Variants in DEGS2 observed in about 807,000 individuals in gnomAD.
DEGS2 encodes sphingolipid delta(4)-desaturase/C4-monooxygenase DES2.
A neutral mutation model predicts 23.8 loss-of-function variants in DEGS2; 19 were observed. That is an observed-to-expected ratio of 0.80 (90% CI 0.56 to 1.17). The LOEUF is 1.17. Among genes scored for constraint, DEGS2 ranks in the 50% most tolerant of loss-of-function variants. The pLI, the probability that DEGS2 is intolerant of heterozygous loss-of-function variation, is 0.00. For missense variants in DEGS2, 390 were observed against 459.5 expected (o/e 0.85, Z 1.38); for synonymous variants, 218 against 213.7 (o/e 1.02, Z -0.18).
At chr14:100,166,294 CCTGCCCGGGGCTGT>C in the DEGS2 span, among the ~76,000 whole-genome samples, 7 of 73,718 alleles carry the variant, frequency 9.5e-5, no homozygotes, top group Non-Finnish European at 1.3e-4. Context: ...GTGGGGGGAG[CCTGCCCGGGGCTGT>C]GGGGGAGCCT....
In DEGS2 at chr14:100,159,630, C is replaced by T. The variant is rs371549225; in HGVS notation, c.-43G>A. 2.1e-3 allele frequency: 2,799 copies of T among 1,308,454 alleles called. 45 individuals are homozygous for T. In the African/African-American group the frequency reaches 0.038, roughly 18 times the overall value. 81.1% of individuals were successfully genotyped at this position (1,308,454 alleles called of 1,614,324 possible). A position where few individuals can be genotyped will look rare whatever the true frequency, so the allele number is the denominator to read the frequency against. ...CGTTCGGAGCGCGGCCGGCTCGGCT[C>T]TGCTGCACCTGTCGCGGCGGCCGCG... is the stretch of plus-strand genomic sequence containing the variant. On this transcript the variant is annotated 5_prime_UTR_variant, in exon 1 of 3. Coordinates refer to ENST00000305631, the MANE Select transcript of DEGS2 (RefSeq NM_206918.3).
upstream of DEGS2, among the ~76,000 whole-genome samples, chr14:100,164,136 T>G (rs1889780774): frequency 6.6e-6 from 1 of 151,840 alleles, no homozygotes; most frequent in Non-Finnish European, 1.5e-5. Flanking sequence ...AGCCTCCATG[T>G]TCCCCAGGCT....
In DEGS2 at chr14:100,146,803, G is replaced by T; in HGVS notation, c.930C>A (p.Ala310=). The T allele has an allele frequency of 6.2e-7, 1 of 1,613,796 alleles. No individual in the cohort carries two copies. The highest frequency in any genetic ancestry group is 8.5e-7 in the Non-Finnish European group (1 of 1,179,920). The change falls in exon 3 of 3, where the codon GCC becomes GCA. Residue 310 remains alanine, a synonymous_variant. Transcript: ENST00000305631. ...FVFEDSLGPY[A]RVKRVYRLAK... ...CCAGCCTGTACACCCGCTTCACCCT[G>T]GCATAGGGCCCCAGGGAGTCCTCAA...
chr14:100,149,557 C>T lies in DEGS2; in HGVS notation c.236G>A (p.Cys79Tyr), dbSNP rs772425517. 6.2e-7 allele frequency: 1 copy of T among 1,607,348 alleles called. No individual in the cohort carries two copies. The highest frequency in any genetic ancestry group is 8.5e-7 in the Non-Finnish European group (1 of 1,178,408). ...LLFWAYAFGGCVNHSLTLAIH... is the reference protein window; with the variant it reads ...LLFWAYAFGGYVNHSLTLAIH... Reference sequence around the variant, plus strand: ...GGCCAGCGTCAGCGAGTGGTTCACGCAGCCACCAAAGGCGTAGGCCCAGAA... The same window carrying T: ...GGCCAGCGTCAGCGAGTGGTTCACGTAGCCACCAAAGGCGTAGGCCCAGAA... Residue 79 changes from cysteine to tyrosine, a missense_variant, in exon 2 of 3, where the codon TGC (cysteine) becomes TAC (tyrosine). Coordinates refer to ENST00000305631, the MANE Select transcript of DEGS2 (RefSeq NM_206918.3).
intron 1 of DEGS2, among the ~76,000 whole-genome samples, chr14:100,158,916 C>T (rs1388981218): frequency 2.6e-5 from 4 of 152,344 alleles, no homozygotes; most frequent in African/African-American, 9.6e-5. Flanking sequence ...ACAGCCACCA[C>T]GTAATAAGCG....
At chr14:100,165,226 C>T in the DEGS2 span, among the ~76,000 whole-genome samples, 378 of 152,266 alleles carry the variant, frequency 2.5e-3, no homozygotes, top group Non-Finnish European at 3.4e-3. Flanking sequence ...CAGACAACTC[C>T]GGACAGCCCC....
upstream of DEGS2, among the ~76,000 whole-genome samples, chr14:100,161,547 G>A (rs1889746584): frequency 6.6e-6 from 1 of 152,176 alleles, no homozygotes; most frequent in South Asian, 2.1e-4. Context: ...CGTTTGTAAT[G>A]TGGTGTCTTG....
Position 100,159,609 on chromosome 14 carries a change from C to T in DEGS2, c.-22G>A. 7.2e-7 allele frequency: 1 copy of T among 1,393,008 alleles called. No individual in the cohort carries two copies. The highest frequency in any genetic ancestry group is 1.5e-5 in the African/African-American group (1 of 65,072). 86.3% of individuals were successfully genotyped at this position (1,393,008 alleles called of 1,614,324 possible). On this transcript the variant is annotated 5_prime_UTR_variant, in exon 1 of 3. Transcript: ENST00000305631. ...CCATGGTGGGGCGGGAGGCGCCGTTCGGAGCGCGGCCGGCTCGGCTCTGCT... is the reference window on the plus strand; with the variant it reads ...CCATGGTGGGGCGGGAGGCGCCGTTTGGAGCGCGGCCGGCTCGGCTCTGCT...
upstream of DEGS2, chr14:100,159,783 C>G: frequency 3.0e-6 from 1 of 334,664 alleles, no homozygotes; most frequent in Admixed American, 4.9e-5. Context: ...CAGACCCCGG[C>G]GGGTAGCTGG....
chr14:100,156,081 G>C (rs1326557423), intron 1 of DEGS2, among the ~76,000 whole-genome samples: 1 of 152,228 alleles, frequency 6.6e-6, no homozygotes, highest in Non-Finnish European at 1.5e-5. Context: ...CCAACCCACA[G>C]AGCTCCTGGA....
upstream of DEGS2, among the ~76,000 whole-genome samples, chr14:100,161,157 A>G (rs1367484890): frequency 7.1e-6 from 1 of 140,896 alleles, no homozygotes; most frequent in Non-Finnish European, 1.6e-5. Flanking sequence ...AAAGCTTCCA[A>G]AATCAGAGCC....
chr14:100,146,164 C>T lies in DEGS2; in HGVS notation c.*597G>A, dbSNP rs980896023. 1.3e-5 allele frequency: 2 copies of T among 152,440 alleles called. No homozygotes were observed. The highest frequency in any genetic ancestry group is 2.9e-5 in the Non-Finnish European group (2 of 68,200). The allele number at this position is 152,440 out of a possible 1,614,324, so 9.4% of individuals were successfully genotyped here. ...GGCTGCTAGGAGGGATTTGGAGCCA[C>T]ACAGATGACCAAAGTGAGCTTTCTG... On this transcript the variant is annotated 3_prime_UTR_variant, in exon 3 of 3. Coordinates refer to ENST00000305631, the MANE Select transcript of DEGS2 (RefSeq NM_206918.3).
At chr14:100,155,740 A>C (rs1271903414) in intron 1 of DEGS2, 1 of 152,220 alleles carries the variant, frequency 6.6e-6, no homozygotes, top group Non-Finnish European at 1.5e-5. Context: ...ATAATCCAGC[A>C]ACAGCCAGCA....
chr14:100,146,657 G>T lies in DEGS2; in HGVS notation c.*104C>A. On this transcript the variant is annotated 3_prime_UTR_variant, in exon 3 of 3. Transcript: ENST00000305631. Reference sequence around the variant, plus strand: ...CGCGGGACACTCCTCGGGGACAAGGGCAGCAGTCCAGAGCACAGGAAGGAA... The same window carrying T: ...CGCGGGACACTCCTCGGGGACAAGGTCAGCAGTCCAGAGCACAGGAAGGAA... 1.1e-5 allele frequency: 16 copies of T among 1,487,356 alleles called. No homozygotes were observed. Among genetic ancestry groups the T allele is most frequent in the Non-Finnish European group, 1.4e-5 (16 of 1,107,550 alleles). 92.1% of individuals were successfully genotyped at this position (1,487,356 alleles called of 1,614,324 possible).
At chr14:100,164,120 G>A (rs1273720858), upstream of DEGS2, among the ~76,000 whole-genome samples, 1 of 151,844 alleles carries the variant, frequency 6.6e-6, no homozygotes, top group Non-Finnish European at 1.5e-5. Context: ...GTAGGAGGAT[G>A]GCTTGAGCCT....
intron 2 of DEGS2, among the ~76,000 whole-genome samples, chr14:100,147,664 C>CT (rs1889475864): frequency 6.8e-6 from 1 of 146,696 alleles, no homozygotes. Context: ...CCCTGCCCCC[C>CT]CCCCCCAGGA....
In DEGS2 at chr14:100,144,018, G is replaced by A. The variant is rs189744644; in HGVS notation, c.*2743C>T. 2.0e-4 allele frequency: 95 copies of A among 485,136 alleles called. 3 individuals are homozygous for A. Among genetic ancestry groups the A allele is most frequent in the Admixed American group, 1.3e-3 (36 of 27,144 alleles). 30.1% of individuals were successfully genotyped at this position (485,136 alleles called of 1,614,324 possible). The stretch of plus-strand genomic sequence containing the variant: ...TACATTTCTTTGGGTTTCTAGAGAC[G>A]CCCCTAAGTCACCTGCTTCATTAGA... On this transcript the variant is annotated 3_prime_UTR_variant, in exon 3 of 3. Coordinates refer to ENST00000305631, the MANE Select transcript of DEGS2 (RefSeq NM_206918.3).
chr14:100,150,560 C>T (rs1364915794), intron 1 of DEGS2, among the ~76,000 whole-genome samples: 1 of 152,110 alleles, frequency 6.6e-6, no homozygotes, highest in East Asian at 1.9e-4. Flanking sequence ...TGCAGGCAAG[C>T]ATCAGCCACT....
chr14:100,152,165 G>A (rs946871878), intron 1 of DEGS2, among the ~76,000 whole-genome samples: 2 of 152,220 alleles, frequency 1.3e-5, no homozygotes, highest in African/African-American at 2.4e-5. Flanking sequence ...GAGGCAAGGC[G>A]AGGGTGAGAT....
Sources: allele counts gnomAD v4.1 joint callset (sites outside exome capture counted in the v4.1 genomes callset), GRCh38; gene constraint gnomAD v4.1.1; transcripts MANE v1.5; gene names NCBI Gene and HGNC (gene_info 2026-07-23, HGNC 2026-07-21).